Variants in MACO1 observed in about 807,000 individuals in gnomAD.
MACO1 encodes the protein macoilin.
Under a neutral mutation model 78.7 loss-of-function variants are expected in MACO1, and 14 were observed. The observed-to-expected ratio is 0.18, with a 90% confidence interval of 0.12 to 0.28. The LOEUF is 0.28. Ranked by LOEUF, MACO1 falls within the 10% of genes least tolerant of loss-of-function variation. MACO1 has a pLI of 1.00. For missense variants in MACO1, 501 were observed against 799.0 expected (o/e 0.63, Z 4.50); for synonymous variants, 288 against 291.6 (o/e 0.99, Z 0.12).
intron 6 of MACO1, among the ~76,000 whole-genome samples, chr1:25,466,396 C>G (rs945835406): frequency 6.6e-6 from 1 of 152,238 alleles, no homozygotes; most frequent in African/African-American, 2.4e-5. Context: ...TCACTGCAAC[C>G]TCCACCTCCT....
rs368580249 is a variant in MACO1, at chr1:25,456,631, G to A, written c.474-22G>A. The A allele has an allele frequency of 2.2e-4, 348 of 1,605,474 alleles. 1 individual carries two copies. The highest frequency in any genetic ancestry group is 2.9e-4 in the Non-Finnish European group (346 of 1,177,432). On this transcript the variant is annotated intron_variant, in intron 4 of 10. Coordinates refer to ENST00000374343, the MANE Select transcript of MACO1 (RefSeq NM_018202.6). The stretch of plus-strand genomic sequence containing the variant: ...GGTTCATTTTAAACCTACAATTACT[G>A]GCTGGATTGTCTTCTTTCTAGTATT...
At chr1:25,482,159 A>G (rs2043384824) in intron 6 of MACO1, among the ~76,000 whole-genome samples, 1 of 152,228 alleles carries the variant, frequency 6.6e-6, no homozygotes, top group Non-Finnish European at 1.5e-5. Flanking sequence ...AATTAGTGAC[A>G]TGAACAAGAA....
Position 25,480,929 on chromosome 1 carries a change from AATATATATATATATATATATAT to A in MACO1, c.1155-3162_1155-3141del, listed in dbSNP as rs202050214. ...AGACTTGGTTAAAAAAAAAAAAAAA[AATATATATATATATATATATAT>A]ATATATATATATATATATATATATT... On this transcript the variant is annotated intron_variant, in intron 6 of 10. Transcript: ENST00000374343. Among the ~76,000 whole-genome samples, 10 of 47,940 alleles carry A rather than the reference AATATATATATATATATATATAT, an allele frequency of 2.1e-4. 1 individual carries two copies. Among genetic ancestry groups the A allele is most frequent in the African/African-American group, 9.7e-4 (10 of 10,282 alleles). 31.5% of individuals were successfully genotyped at this position (47,940 alleles called of 152,430 possible).
chr1:25,448,882 G>T lies in MACO1; in HGVS notation c.297G>T (p.Trp99Cys). Reference sequence around the variant, plus strand: ...GCCTGCTGTTCATCCCCATACAGTGGCTTTTTTTTGCTGCTAGCACATATG... The same window carrying T: ...GCCTGCTGTTCATCCCCATACAGTGTCTTTTTTTTGCTGCTAGCACATATG... ...IICLLFIPIQ[W>C]LFFAASTYVW... is the part of the protein sequence containing the mutation. The change falls in exon 3 of 11, where the codon TGG becomes TGT. Residue 99 changes from tryptophan (W) to cysteine (C), a missense_variant. This residue lies in a region of MACO1 where 171 missense variants were observed against 292.1 expected (regional missense o/e 0.59). Coordinates refer to ENST00000374343, the MANE Select transcript of MACO1 (RefSeq NM_018202.6). The T allele has an allele frequency of 6.4e-7, 1 of 1,551,304 alleles. No individual in the cohort carries two copies. Among genetic ancestry groups the T allele is most frequent in the South Asian group, 1.2e-5 (1 of 80,340 alleles).
Position 25,499,284 on chromosome 1 carries a change from C to T in MACO1, c.*818C>T, listed in dbSNP as rs1024969837. The stretch of plus-strand genomic sequence containing the variant: ...GCTGTAAAACTGGTGGGTAGCTGGG[C>T]TGTCCGTTACCACCACAGCTACATC... On this transcript the variant is annotated 3_prime_UTR_variant, in exon 11 of 11. Transcript: ENST00000374343. The T allele has an allele frequency of 6.6e-6, 1 of 152,192 alleles. No homozygotes were observed. Among genetic ancestry groups the T allele is most frequent in the Non-Finnish European group, 1.5e-5 (1 of 68,054 alleles). The allele number at this position is 152,192 out of a possible 1,614,324, so 9.4% of individuals were successfully genotyped here.
chr1:25,476,974 T>G (rs578141452), intron 6 of MACO1, among the ~76,000 whole-genome samples: 1 of 152,298 alleles, frequency 6.6e-6, no homozygotes, highest in African/African-American at 2.4e-5. Context: ...TCTATAAGGA[T>G]TGGAAGAAAC....
intron 2 of MACO1, among the ~76,000 whole-genome samples, chr1:25,448,495 TCTTTCAGGTAACCCACATTTATTTG>T (rs1179187746): frequency 1.3e-5 from 2 of 152,148 alleles, no homozygotes; most frequent in Non-Finnish European, 2.9e-5. Context: ...AAATTCTAGT[TCTTTCAGGTAACCCACATTTATTTG>T]GAATCCAAAT....
chr1:25,438,868 C>T (rs1386626942), intron 1 of MACO1, among the ~76,000 whole-genome samples: 3 of 151,632 alleles, frequency 2.0e-5, no homozygotes, highest in African/African-American at 4.9e-5. Flanking sequence ...CACTGCACTC[C>T]AGCCTAGGCA....
intron 6 of MACO1, among the ~76,000 whole-genome samples, chr1:25,467,374 G>A (rs561823727): frequency 1.5e-4 from 23 of 152,160 alleles, no homozygotes; most frequent in Non-Finnish European, 3.1e-4. Flanking sequence ...GTTTGTACTT[G>A]CCACAAGGTT....
intron 1 of MACO1, among the ~76,000 whole-genome samples, chr1:25,435,633 T>A (rs1375866200): frequency 6.6e-6 from 1 of 152,206 alleles, no homozygotes; most frequent in South Asian, 2.1e-4. Context: ...TGTACATGTG[T>A]TCTGCAACTG....
chr1:25,432,151 G>A (rs2042880544), intron 1 of MACO1, among the ~76,000 whole-genome samples: 1 of 152,214 alleles, frequency 6.6e-6, no homozygotes, highest in South Asian at 2.1e-4. Flanking sequence ...AGAATTCTCA[G>A]CATGTGGATG....
chr1:25,483,268 C>T (rs2043396733), intron 6 of MACO1, among the ~76,000 whole-genome samples: 1 of 152,196 alleles, frequency 6.6e-6, no homozygotes, highest in Non-Finnish European at 1.5e-5. Context: ...CCAGGCCGGT[C>T]TTGAACTCCT....
chr1:25,432,430 G>A (rs751273638), intron 1 of MACO1, among the ~76,000 whole-genome samples: 46 of 152,228 alleles, frequency 3.0e-4, no homozygotes, highest in Non-Finnish European at 5.4e-4. Context: ...ATAGAGCATA[G>A]GAGTAATTCA....
At chr1:25,462,920 A>T (rs751946248) in intron 6 of MACO1, among the ~76,000 whole-genome samples, 2 of 152,338 alleles carry the variant, frequency 1.3e-5, no homozygotes, top group South Asian at 2.1e-4. Flanking sequence ...TTTTGTAAAA[A>T]TAAATTTTAC....
rs2043018459 is a variant in MACO1 at position 25,446,750 on chromosome 1, T to C, written c.81-12T>C. 1.3e-6 allele frequency: 2 copies of C among 1,593,024 alleles called. No individual in the cohort carries two copies. Among genetic ancestry groups the C allele is most frequent in the Non-Finnish European group, 1.7e-6 (2 of 1,171,298 alleles). ...TGACCTTAAATTAATTCTTTATTTT[T>C]ATATTTTGCAGTACATTTTTATACC... On this transcript the variant is annotated splice_polypyrimidine_tract_variant and intron_variant, in intron 1 of 10. Transcript: ENST00000374343.
At chr1:25,467,549 A>T (rs1357151338) in intron 6 of MACO1, among the ~76,000 whole-genome samples, 1 of 152,154 alleles carries the variant, frequency 6.6e-6, no homozygotes, top group East Asian at 1.9e-4. Flanking sequence ...GTTTATTTCC[A>T]TTCCACTGCC....
At chr1:25,436,566 A>ATAT (rs2042920718) in intron 1 of MACO1, among the ~76,000 whole-genome samples, 1 of 152,166 alleles carries the variant, frequency 6.6e-6, no homozygotes, top group South Asian at 2.1e-4. Context: ...AAGCTGCATA[A>ATAT]GTAGGATGGT....
intron 4 of MACO1, among the ~76,000 whole-genome samples, chr1:25,455,280 C>T (rs187630005): frequency 1.6e-3 from 242 of 152,056 alleles, no homozygotes; most frequent in African/African-American, 5.6e-3. Context: ...TTAATCTTAA[C>T]CATGAAACAT....
At chr1:25,470,132 G>A (rs1001938917) in intron 6 of MACO1, among the ~76,000 whole-genome samples, 3 of 152,212 alleles carry the variant, frequency 2.0e-5, no homozygotes, top group African/African-American at 7.2e-5. Flanking sequence ...ATGATTTGGT[G>A]TGAATAACTA....
Sources: gnomAD v4.1 joint callset for allele counts (sites outside exome capture counted in the v4.1 genomes callset) on GRCh38, gnomAD v4.1.1 for gene constraint, gnomAD v4.1.1 regional missense constraint, MANE v1.5 for transcripts, NCBI Gene and HGNC (gene_info 2026-07-23, HGNC 2026-07-21) for gene names.